Variants in AP4M1 observed in about 807,000 individuals in gnomAD.
AP4M1 encodes adaptor related protein complex 4 subunit mu 1, also known as AP-4 complex subunit mu-1.
AP4M1 carries 58 observed loss-of-function variants against 62.4 expected under a neutral mutation model. The ratio of observed to expected loss-of-function variants is 0.93; its 90% CI spans 0.75 to 1.16. AP4M1 has a LOEUF of 1.16. Among genes scored for constraint, AP4M1 ranks in the 50% most tolerant of loss-of-function variants. The pLI is 0.00. For missense variants in AP4M1, 626 were observed against 585.4 expected, an observed-to-expected ratio of 1.07 and a Z score of -0.72; for synonymous variants, 290 against 239.7, an observed-to-expected ratio of 1.21 and a Z score of -1.94.
chr7:100,108,190 C>T lies in AP4M1; in HGVS notation c.*1308C>T. The T allele has an allele frequency of 1.3e-6, 2 of 1,498,950 alleles. No individual in the cohort carries two copies. The highest frequency in any genetic ancestry group is 1.8e-6 in the Non-Finnish European group (2 of 1,118,858). 92.9% of individuals were successfully genotyped at this position (1,498,950 alleles called of 1,614,324 possible). Reference sequence around the variant, plus strand: ...AAGAAGAGGAGTCTGAAGGGAGAGGCCTGGGCTCCCCTCGCTCTTCCTCAG... The same window carrying T: ...AAGAAGAGGAGTCTGAAGGGAGAGGTCTGGGCTCCCCTCGCTCTTCCTCAG... On this transcript the variant is annotated 3_prime_UTR_variant, in exon 15 of 15. Coordinates refer to ENST00000359593, the MANE Select transcript of AP4M1 (RefSeq NM_004722.4).
At chr7:100,103,977 C>T in intron 6 of AP4M1, 115 bp from the exon 7 acceptor site, 1 of 914,650 alleles carries the variant, frequency 1.1e-6, no homozygotes, top group Non-Finnish European at 1.8e-6. Context: ...CTTCCATCAC[C>T]CATGTCCTCA....
chr7:100,108,338 C>T lies in AP4M1; in HGVS notation c.*1456C>T, dbSNP rs750652215. On this transcript the variant is annotated 3_prime_UTR_variant, in exon 15 of 15. Transcript: ENST00000359593. ...CACAGGGGTTCTCCTCTGCTTCCTCCTATTCCTCCTCCCCACCCGGCCACG... is the reference window on the plus strand; with the variant it reads ...CACAGGGGTTCTCCTCTGCTTCCTCTTATTCCTCCTCCCCACCCGGCCACG... 6.3e-7 allele frequency: 1 copy of T among 1,580,232 alleles called. No individual in the cohort carries two copies. The highest frequency in any genetic ancestry group is 1.1e-5 in the South Asian group (1 of 88,498).
upstream of AP4M1, chr7:100,100,878 T>C (rs1046771064): frequency 8.6e-6 from 9 of 1,047,470 alleles, no homozygotes; most frequent in African/African-American, 1.0e-4. Context: ...TACGCGCGCC[T>C]GGGGAGGGCG....
chr7:100,100,832 G>T, upstream of AP4M1: 3 of 1,005,200 alleles, frequency 3.0e-6, no homozygotes, highest in Non-Finnish European at 3.6e-6. Context: ...GCCAATCCCG[G>T]CGCGCAGCGG....
In AP4M1 at chr7:100,101,667, G is replaced by T. The variant is rs769336404; in HGVS notation, c.-48G>T. 6.4e-7 allele frequency: 1 copy of T among 1,559,988 alleles called. No individual in the cohort carries two copies. Among genetic ancestry groups the T allele is most frequent in the Non-Finnish European group, 8.8e-7 (1 of 1,131,794 alleles). ...TCTTTTGTTCCGGGGCCGCAGGGCG[G>T]GGCAGGCCCGACTTTCGCCGTCTTC... is the stretch of plus-strand genomic sequence containing the variant. On this transcript the variant is annotated 5_prime_UTR_variant, in exon 1 of 15. Coordinates refer to ENST00000359593, the MANE Select transcript of AP4M1 (RefSeq NM_004722.4).
chr7:100,108,487 G>A lies in AP4M1; in HGVS notation c.*1605G>A, dbSNP rs200398416. On this transcript the variant is annotated 3_prime_UTR_variant, in exon 15 of 15. Transcript: ENST00000359593. ...GGGACCCGAATTCTGCCCGATAGGC[G>A]TCCTGATTGTCAGGCGGTGGGCGCA... The A allele has an allele frequency of 7.8e-5, 126 of 1,613,792 alleles. No homozygotes were observed. The highest frequency in any genetic ancestry group is 1.7e-4 in the Middle Eastern group (1 of 6,060).
In AP4M1 at chr7:100,107,051, C is replaced by A; in HGVS notation, c.*169C>A. On this transcript the variant is annotated 3_prime_UTR_variant, in exon 15 of 15. Transcript: ENST00000359593. The stretch of plus-strand genomic sequence containing the variant: ...CCCAGCCTTTCTGTGGTATCTGATG[C>A]AGGAAGGACTGCAGTGGATCAGAAC... 1 of 1,195,780 alleles carries A rather than the reference C, an allele frequency of 8.4e-7. No individual in the cohort carries two copies. The highest frequency in any genetic ancestry group is 1.2e-6 in the Non-Finnish European group (1 of 841,618). The allele number at this position is 1,195,780 out of a possible 1,614,324, so 74.1% of individuals were successfully genotyped here. A position where few individuals can be genotyped will look rare whatever the true frequency, so the allele number is the denominator to read the frequency against.
At chr7:100,101,585 G>T (rs1224726394), upstream of AP4M1, 1 of 1,025,684 alleles carries the variant, frequency 9.7e-7, no homozygotes, top group South Asian at 1.3e-5. Context: ...GGTTTCCCGC[G>T]GTCCGAGCTG....
Position 100,103,702 on chromosome 7 carries a change from G to C in AP4M1, c.543+10G>C. ...CAGTCGCTCTGACCAGGTGAGGGAAGGATCCATGGGGTCAGACGCTCTGGT... is the reference window on the plus strand; with the variant it reads ...CAGTCGCTCTGACCAGGTGAGGGAACGATCCATGGGGTCAGACGCTCTGGT... On this transcript the variant is annotated intron_variant, in intron 6 of 14. Coordinates refer to ENST00000359593, the MANE Select transcript of AP4M1 (RefSeq NM_004722.4). The C allele has an allele frequency of 6.2e-7, 1 of 1,610,734 alleles. No homozygotes were observed. The highest frequency in any genetic ancestry group is 1.3e-5 in the African/African-American group (1 of 74,946).
chr7:100,103,173 G>C, intron 4 of AP4M1: 1 of 647,774 alleles, frequency 1.5e-6, no homozygotes, highest in East Asian at 2.8e-5. Flanking sequence ...CTGGGCTCAA[G>C]CCGTCCTCCT....
At chr7:100,101,589 C>A (rs1321860581), upstream of AP4M1, 1 of 1,068,306 alleles carries the variant, frequency 9.4e-7, no homozygotes, top group Non-Finnish European at 1.4e-6. Flanking sequence ...TCCCGCGGTC[C>A]GAGCTGGCGC....
intron 2 of AP4M1, chr7:100,102,281 C>T (rs1796109596): frequency 1.8e-6 from 1 of 550,574 alleles, no homozygotes; most frequent in African/African-American, 1.9e-5. Context: ...ATCCCATCTA[C>T]TCGGGAAGCT....
chr7:100,107,793 G>C lies in AP4M1; in HGVS notation c.*911G>C. On this transcript the variant is annotated 3_prime_UTR_variant, in exon 15 of 15. Transcript: ENST00000359593. ...ATGCAGGGCAGCTACAGCCCTGCAGGACCCTGGTGGGCGCCTCTTCCAGCT... is the reference window on the plus strand; with the variant it reads ...ATGCAGGGCAGCTACAGCCCTGCAGCACCCTGGTGGGCGCCTCTTCCAGCT... The C allele has an allele frequency of 7.2e-7, 1 of 1,385,924 alleles. No homozygotes were observed. Among genetic ancestry groups the C allele is most frequent in the Non-Finnish European group, 9.7e-7 (1 of 1,034,342 alleles). The allele number at this position is 1,385,924 out of a possible 1,614,324, so 85.9% of individuals were successfully genotyped here. A position where few individuals can be genotyped will look rare whatever the true frequency, so the allele number is the denominator to read the frequency against.
At position 100,106,663 on chromosome 7, in the gene AP4M1, C is replaced by T. The variant is rs752036627; in HGVS notation, c.1143C>T (p.Asp381=). 1.4e-5 allele frequency: 22 copies of T among 1,609,420 alleles called. 1 individual carries two copies. Among genetic ancestry groups the T allele is most frequent in the East Asian group, 2.2e-5 (1 of 44,632 alleles). ...CCTGCCTCTGCCCCTCACAGATGGA[C>T]GTCCCAGGGCCCCCAGGACCTCCCA... ...GSQLSGLFQM[D]VPGPPGPPSH... Residue 381 remains aspartate, a synonymous_variant, in exon 15 of 15, where the codon GAC becomes GAT. Coordinates refer to ENST00000359593, the MANE Select transcript of AP4M1 (RefSeq NM_004722.4).
At position 100,101,722 on chromosome 7, in the gene AP4M1, C is replaced by G; in HGVS notation, c.8C>G (p.Ser3Cys). MI[S>C]QFFILSSKGD... ...CTACTCTCCAGAACGGCCATGATTTCCCAATTCTTCATTCTGTCCTCCAAG... is the reference window on the plus strand; with the variant it reads ...CTACTCTCCAGAACGGCCATGATTTGCCAATTCTTCATTCTGTCCTCCAAG... Residue 3 changes from serine to cysteine, a missense_variant, in exon 1 of 15, where the codon TCC (serine) becomes TGC (cysteine). Ser to Cys is a moderately radical substitution (Grantham distance 112). Transcript: ENST00000359593. 6.2e-7 allele frequency: 1 copy of G among 1,613,788 alleles called. No homozygotes were observed. The highest frequency in any genetic ancestry group is 8.5e-7 in the Non-Finnish European group (1 of 1,179,756).
At chr7:100,106,336 G>A (rs562202406) in intron 13 of AP4M1, 45 bp downstream of exon 13, 14 of 1,613,112 alleles carry the variant, frequency 8.7e-6, no homozygotes, top group East Asian at 2.2e-5. Flanking sequence ...GGGAGAGAGT[G>A]AGCTCAGCAT....
At chr7:100,104,068 A>G in intron 6 of AP4M1, 24 bp from the exon 7 acceptor site, 1 of 1,611,516 alleles carries the variant, frequency 6.2e-7, no homozygotes, top group South Asian at 1.1e-5. Context: ...GCTTCCAACC[A>G]CCCAAATTCT....
chr7:100,103,316 G>C, intron 4 of AP4M1, 93 bp from the exon 5 acceptor site: 1 of 1,110,418 alleles, frequency 9.0e-7, no homozygotes, highest in Non-Finnish European at 1.4e-6. Flanking sequence ...AAAGCGCTGA[G>C]AGTACAGGAG....
At chr7:100,102,991 C>T (rs773896176) in intron 4 of AP4M1, 31 bp downstream of exon 4, 13 of 1,583,874 alleles carry the variant, frequency 8.2e-6, no homozygotes, top group Admixed American at 1.7e-5. Flanking sequence ...TCTGTGGCCC[C>T]TACCCAATTC....
Sources: allele counts gnomAD v4.1 joint callset, GRCh38; gene constraint gnomAD v4.1.1; transcripts MANE v1.5; gene names NCBI Gene and HGNC (gene_info 2026-07-23, HGNC 2026-07-21).